NOL4: variants seen among roughly 807,000 people sequenced by gnomAD.
NOL4 encodes cancer/testis antigen 125.
NOL4 carries 17 observed loss-of-function variants against 75.9 expected under a neutral mutation model. The observed-to-expected ratio is 0.22, with a 90% CI of 0.15 to 0.34. NOL4 has a LOEUF of 0.34. Ranked by LOEUF, NOL4 falls within the 10% of genes least tolerant of loss-of-function variation. The pLI is 1.00. For synonymous variants in NOL4, 292 were observed against 289.9 expected (o/e 1.01, Z -0.07); for missense variants, 614 against 793.5 (o/e 0.77, Z 2.72).
intron 2 of NOL4, among the ~76,000 whole-genome samples, chr18:34,124,102 G>T (rs2080276278): frequency 6.6e-6 from 1 of 152,046 alleles, no homozygotes; most frequent in Non-Finnish European, 1.5e-5. Flanking sequence ...AAAAAACAAT[G>T]CATCTGTATT....
At chr18:34,171,124 T>C (rs937058156) in intron 1 of NOL4, among the ~76,000 whole-genome samples, 11 of 152,186 alleles carry the variant, frequency 7.2e-5, no homozygotes, top group African/African-American at 2.4e-4. Flanking sequence ...ATAACTGTAG[T>C]TTACCAGATG....
At chr18:34,077,064 C>T (rs564594060) in intron 5 of NOL4, among the ~76,000 whole-genome samples, 8 of 152,158 alleles carry the variant, frequency 5.3e-5, no homozygotes, top group East Asian at 1.9e-4. Context: ...CCAGCACTTT[C>T]GAAGGCTGAG....
intron 6 of NOL4, among the ~76,000 whole-genome samples, chr18:33,992,663 C>A (rs2073007837): frequency 1.3e-5 from 2 of 151,990 alleles, no homozygotes; most frequent in Non-Finnish European, 2.9e-5. Flanking sequence ...GGGGCAAGAT[C>A]TCAGCATTTC....
intron 10 of NOL4, among the ~76,000 whole-genome samples, chr18:33,874,685 G>T (rs1191133326): frequency 6.6e-6 from 1 of 151,966 alleles, no homozygotes; most frequent in Non-Finnish European, 1.5e-5. Flanking sequence ...GGTTATCGTG[G>T]AATGAAAAGT....
intron 1 of NOL4, among the ~76,000 whole-genome samples, chr18:34,138,052 G>A (rs2080973138): frequency 6.6e-6 from 1 of 152,076 alleles, no homozygotes. Context: ...AAAGAGGCCA[G>A]ACATAAAAGA....
At chr18:34,062,673 T>G (rs1200108437) in intron 5 of NOL4, among the ~76,000 whole-genome samples, 1 of 152,078 alleles carries the variant, frequency 6.6e-6, no homozygotes, top group Non-Finnish European at 1.5e-5. Context: ...AATAACATAT[T>G]CAATTTTACT....
chr18:33,942,282 G>A (rs985649767), intron 9 of NOL4, among the ~76,000 whole-genome samples: 5 of 151,894 alleles, frequency 3.3e-5, no homozygotes, highest in African/African-American at 7.2e-5. Context: ...ATGTGGCAAA[G>A]TTTTATGCAG....
chr18:34,201,273 T>A (rs905579400), intron 1 of NOL4, among the ~76,000 whole-genome samples: 5 of 151,840 alleles, frequency 3.3e-5, no homozygotes, highest in African/African-American at 1.2e-4. Flanking sequence ...ACTCATTTAA[T>A]CTTCATAAAA....
chr18:34,046,112 A>G (rs772240697), intron 5 of NOL4, among the ~76,000 whole-genome samples: 1 of 152,106 alleles, frequency 6.6e-6, no homozygotes, highest in Non-Finnish European at 1.5e-5. Context: ...CTGGTTTCCC[A>G]TGCAAAAATT....
intron 5 of NOL4, among the ~76,000 whole-genome samples, chr18:34,079,861 A>G (rs1232588099): frequency 2.6e-5 from 4 of 152,240 alleles, no homozygotes; most frequent in African/African-American, 9.6e-5. Context: ...TTTTAAAGAT[A>G]TATAACTATG....
intron 8 of NOL4, among the ~76,000 whole-genome samples, chr18:33,956,729 C>T (rs1018422042): frequency 1.3e-5 from 2 of 152,134 alleles, no homozygotes; most frequent in African/African-American, 4.8e-5. Flanking sequence ...CTGTCTATAA[C>T]ATCCACCTGA....
intron 1 of NOL4, among the ~76,000 whole-genome samples, chr18:34,173,560 A>G (rs1275055798): frequency 6.6e-6 from 1 of 152,278 alleles, no homozygotes; most frequent in East Asian, 1.9e-4. Context: ...AAAATAATAA[A>G]ATAGTGTTTT....
intron 10 of NOL4, 41 bp from the exon 11 acceptor site, chr18:33,853,076 T>C (rs771627928): frequency 6.6e-7 from 1 of 1,525,794 alleles, no homozygotes; most frequent in South Asian, 1.2e-5. Flanking sequence ...TAAATATTAT[T>C]TGTTCCAGCA....
At position 34,200,772 on chromosome 18, in the gene NOL4, T is replaced by G. The variant is rs570245802; in HGVS notation, c.264+22218A>C. On this transcript the variant is annotated intron_variant, in intron 1 of 10. Coordinates refer to ENST00000261592, the MANE Select transcript of NOL4 (RefSeq NM_003787.5). ...CTGTTCAGATGAAAAAAATAAGAAA[T>G]GTATTGTTGAAATGAACTAACTGGC... 5.3e-5 allele frequency among the ~76,000 whole-genome samples: 8 copies of G among 151,728 alleles called. No homozygotes were observed. In the East Asian group the frequency reaches 5.8e-4, roughly 11 times the overall value.
chr18:33,885,498 A>G (rs1164906272), intron 9 of NOL4, among the ~76,000 whole-genome samples: 1 of 152,168 alleles, frequency 6.6e-6, no homozygotes, highest in African/African-American at 2.4e-5. Context: ...TCTAATTAAA[A>G]AATGAGCAAA....
In NOL4 at chr18:34,017,091, A is replaced by G. The variant is rs181962054; in HGVS notation, c.1056+2227T>C. ...AGAGACCCCTTCTGAAAGAAATAAA[A>G]TGGTAATCTTATATTTCCTTCAAAG... On this transcript the variant is annotated intron_variant, in intron 6 of 10. Coordinates refer to ENST00000261592, the MANE Select transcript of NOL4 (RefSeq NM_003787.5). 1.1e-3 allele frequency among the ~76,000 whole-genome samples: 165 copies of G among 152,262 alleles called. 1 individual carries two copies. Among genetic ancestry groups the G allele is most frequent in the Admixed American group, 0.011 (165 of 15,274 alleles).
intron 9 of NOL4, among the ~76,000 whole-genome samples, chr18:33,938,909 G>C (rs2068260255): frequency 6.6e-6 from 1 of 152,010 alleles, no homozygotes; most frequent in Non-Finnish European, 1.5e-5. Flanking sequence ...TATGGTTTTA[G>C]GTCTTACGTT....
intron 1 of NOL4, among the ~76,000 whole-genome samples, chr18:34,144,109 C>T (rs2081303021): frequency 6.6e-6 from 1 of 152,004 alleles, no homozygotes; most frequent in African/African-American, 2.4e-5. Flanking sequence ...TGAACCACCT[C>T]AAGAGTATAG....
chr18:33,963,128 A>G (rs2070287112), intron 6 of NOL4, among the ~76,000 whole-genome samples: 1 of 152,114 alleles, frequency 6.6e-6, no homozygotes, highest in Non-Finnish European at 1.5e-5. Flanking sequence ...GTCTACTTCA[A>G]TCTTTCCCTA....
Sources: allele counts gnomAD v4.1 joint callset (sites outside exome capture counted in the v4.1 genomes callset), GRCh38; gene constraint gnomAD v4.1.1; transcripts MANE v1.5; gene names NCBI Gene and HGNC (gene_info 2026-07-23, HGNC 2026-07-21).